The following UPF2 variants were observed in gnomAD, a reference collection of about 807,000 sequenced individuals.
The protein encoded by UPF2 is UPF2 regulator of nonsense mediated mRNA decay.
Under a neutral mutation model 141.4 loss-of-function variants are expected in UPF2, and 17 were observed. The observed-to-expected ratio is 0.12, with a 90% CI of 0.08 to 0.18. UPF2 has a LOEUF of 0.18. Among genes scored for constraint, UPF2 ranks in the 10% least tolerant of loss-of-function variants. The probability of loss-of-function intolerance (pLI) is 1.00; values close to 1 mark genes in which losing one functional copy is unlikely to be tolerated. For missense variants in UPF2, 1,152 were observed against 1,515.9 expected (o/e 0.76, Z 3.99); for synonymous variants, 540 against 498.0 (o/e 1.08, Z -1.12).
Position 11,935,977 on chromosome 10 carries a change from G to A in UPF2, c.3546+568C>T, listed in dbSNP as rs980368441. ...GCCGAGCCTCTTCCTGAGCTGCATC[G>A]GTTGCCATCCTCCTTTCCTTCCCCG... On this transcript the variant is annotated intron_variant, in intron 19 of 21. Coordinates refer to ENST00000357604, the MANE Select transcript of UPF2 (RefSeq NM_015542.4). This position sits in a 1 kb window ranked among gnomAD's most constrained non-coding sequence, Gnocchi z 4.9. Among the ~76,000 whole-genome samples the A allele has an allele frequency of 5.9e-5, 9 of 152,296 alleles. No individual in the cohort carries two copies. The South Asian group carries it at 8.3e-4, about 14-fold the overall frequency.
intron 5 of UPF2, among the ~76,000 whole-genome samples, chr10:12,003,588 G>A (rs904655256): frequency 6.6e-6 from 1 of 152,152 alleles, no homozygotes; most frequent in Admixed American, 6.6e-5. Context: ...TACATGTAAA[G>A]TTATTCAAGG....
At chr10:11,986,787 C>T (rs896132769) in intron 8 of UPF2, among the ~76,000 whole-genome samples, 1 of 152,188 alleles carries the variant, frequency 6.6e-6, no homozygotes, top group Non-Finnish European at 1.5e-5. Flanking sequence ...ACAACAGCGC[C>T]ACCAGGTGGT....
intron 1 of UPF2, among the ~76,000 whole-genome samples, chr10:12,036,613 A>T (rs1481399990): frequency 6.6e-6 from 1 of 152,216 alleles, no homozygotes; most frequent in East Asian, 1.9e-4. Context: ...TTTGCAGGAA[A>T]ATTCTGAATT....
intron 4 of UPF2, among the ~76,000 whole-genome samples, chr10:12,011,469 A>T (rs75505998): frequency 6.6e-6 from 1 of 151,870 alleles, no homozygotes. Context: ...TTGGTGGCGC[A>T]TATCTGTAGT....
At chr10:11,962,017 G>C (rs1833249006) in intron 11 of UPF2, among the ~76,000 whole-genome samples, 2 of 152,128 alleles carry the variant, frequency 1.3e-5, no homozygotes, top group Admixed American at 1.3e-4. Context: ...GGCAAGAAAA[G>C]ACTCCCATGT....
At position 12,039,620 on chromosome 10, in the gene UPF2, CTCTT is replaced by C. The variant is rs772635624; in HGVS notation, c.-19+3131_-19+3134del. ...AACTTACAATTATGTCTCTCTCTCT[CTCTT>C]TTTTTTTTTTTTTTTGAGATGGAGT... On this transcript the variant is annotated intron_variant, in intron 1 of 21. Coordinates refer to ENST00000357604, the MANE Select transcript of UPF2 (RefSeq NM_015542.4). 2.6e-3 allele frequency among the ~76,000 whole-genome samples: 373 copies of C among 145,266 alleles called. 1 individual carries two copies. Among genetic ancestry groups the C allele is most frequent in the Middle Eastern group, 0.01 (3 of 286 alleles).
intron 3 of UPF2, among the ~76,000 whole-genome samples, chr10:12,018,685 G>A (rs1162097255): frequency 2.0e-5 from 3 of 152,096 alleles, no homozygotes; most frequent in Admixed American, 2.0e-4. Context: ...CCAGGAGGTC[G>A]AGGCTGCAGT....
chr10:11,923,722 A>G (rs999715259), intron 21 of UPF2, among the ~76,000 whole-genome samples: 5 of 150,842 alleles, frequency 3.3e-5, no homozygotes, highest in African/African-American at 4.9e-5. Flanking sequence ...GCCTGTAATC[A>G]CAGCTACTTG....
chr10:11,923,063 T>C (rs547041517), intron 21 of UPF2: 1 of 152,238 alleles, frequency 6.6e-6, no homozygotes, highest in East Asian at 1.9e-4. Context: ...AACAAAATCA[T>C]TTTTAAAAAG....
At chr10:12,033,343 C>T (rs1005213057) in intron 2 of UPF2, among the ~76,000 whole-genome samples, 2 of 152,088 alleles carry the variant, frequency 1.3e-5, no homozygotes, top group African/African-American at 2.4e-5. Flanking sequence ...CAAGACTAGC[C>T]TGGGCAACAT....
At chr10:11,975,454 T>C (rs996009532) in intron 9 of UPF2, among the ~76,000 whole-genome samples, 1 of 152,222 alleles carries the variant, frequency 6.6e-6, no homozygotes, top group African/African-American at 2.4e-5. Context: ...CCGTTTATTA[T>C]ATGTAAGATT....
At position 11,967,389 on chromosome 10, in the gene UPF2, T is replaced by C. The variant is rs1034491122; in HGVS notation, c.2019A>G (p.Leu673=). 2.7e-5 allele frequency: 43 copies of C among 1,592,584 alleles called. No individual in the cohort carries two copies. The highest frequency in any genetic ancestry group is 5.5e-5 in the Admixed American group (3 of 54,882). Residue 673 remains leucine (L), a synonymous_variant, in exon 10 of 22, where the codon CTA becomes CTG. Transcript: ENST00000357604. ...TTTTGGTGAACATCTTAAACTTAGT[T>C]AGTTCTCCTATAAAACGAACAGTTT... ...KNKTVRFIGE[L]TKFKMFTKND... is the part of the protein sequence containing the mutation.
At chr10:11,943,204 T>C (rs778727626) in intron 16 of UPF2, 36 bp from the exon 17 acceptor site, 1 of 1,504,706 alleles carries the variant, frequency 6.6e-7, no homozygotes, top group South Asian at 1.2e-5. Flanking sequence ...TAAATAACTT[T>C]TCGAAGTGTA....
intron 3 of UPF2, among the ~76,000 whole-genome samples, chr10:12,021,436 G>C (rs1322439315): frequency 1.3e-5 from 2 of 152,072 alleles, no homozygotes; most frequent in African/African-American, 2.4e-5. Context: ...CGACTTGGGA[G>C]GCTGAGGTGG....
chr10:11,982,087 GATTA>G (rs771560930), intron 8 of UPF2, among the ~76,000 whole-genome samples: 10 of 150,232 alleles, frequency 6.7e-5, no homozygotes, highest in Admixed American at 6.6e-5. Flanking sequence ...TTACATAACA[GATTA>G]ATTTACACTG....
At chr10:12,009,625 C>G (rs531632093) in intron 4 of UPF2, among the ~76,000 whole-genome samples, 32 of 152,292 alleles carry the variant, frequency 2.1e-4, no homozygotes, top group African/African-American at 7.5e-4. Flanking sequence ...CTCAGCTCTA[C>G]AATTGCCCCA....
At chr10:11,922,427 T>C (rs567820646) in intron 21 of UPF2, among the ~76,000 whole-genome samples, 32 of 152,260 alleles carry the variant, frequency 2.1e-4, no homozygotes, top group African/African-American at 6.5e-4. Context: ...AATGAACTGA[T>C]GGAAAGAACA....
rs1347751101 is a variant in UPF2 at position 11,953,991 on chromosome 10, C to T, written c.2850+1241G>A. Among the ~76,000 whole-genome samples the T allele has an allele frequency of 1.3e-5, 2 of 152,124 alleles. No homozygotes were observed. The highest frequency in any genetic ancestry group is 2.4e-5 in the African/African-American group (1 of 41,416). On this transcript the variant is annotated intron_variant, in intron 14 of 21. Transcript: ENST00000357604. The surrounding 1 kb of genome is among the most constrained non-coding windows in gnomAD (Gnocchi z 5.0). ...ACTAACAATTGTGATTATATAGAAT[C>T]GAATGGTACTATCACCACTTAGTAA... is the stretch of plus-strand genomic sequence containing the variant.
intron 8 of UPF2, among the ~76,000 whole-genome samples, chr10:11,994,301 C>G (rs1193703837): frequency 2.0e-5 from 3 of 152,184 alleles, no homozygotes; most frequent in Admixed American, 6.5e-5. Context: ...AGAAACACTG[C>G]AGCTTTAAAA....
Sources: allele counts gnomAD v4.1 joint callset (sites outside exome capture counted in the v4.1 genomes callset), GRCh38; gene constraint gnomAD v4.1.1; non-coding constraint Gnocchi (gnomAD v3.1); transcripts MANE v1.5; gene names NCBI Gene and HGNC (gene_info 2026-07-23, HGNC 2026-07-21).